Variants in OPCML observed in about 807,000 individuals in gnomAD.
OPCML encodes opioid binding protein/cell adhesion molecule like.
A neutral mutation model predicts 37.8 loss-of-function variants in OPCML; 13 were observed. The observed-to-expected ratio is 0.34, with a 90% CI of 0.22 to 0.55. The LOEUF (loss-of-function observed/expected upper bound fraction) is 0.55. Among genes scored for constraint, OPCML ranks in the 20% least tolerant of loss-of-function variants. The pLI, the probability that OPCML is intolerant of heterozygous loss-of-function variation, is 0.91. For synonymous variants in OPCML, 176 were observed against 168.8 expected (o/e 1.04, Z -0.33); for missense variants, 341 against 435.6 (o/e 0.78, Z 1.93).
intron 2 of OPCML, among the ~76,000 whole-genome samples, chr11:132,850,088 T>C (rs111357917): frequency 1.3e-5 from 2 of 152,110 alleles, no homozygotes; most frequent in Non-Finnish European, 2.9e-5. Context: ...TATAGTGAAG[T>C]GTGTGCATTT....
At chr11:132,481,699 C>G (rs940887564) in intron 4 of OPCML, among the ~76,000 whole-genome samples, 35 of 149,932 alleles carry the variant, frequency 2.3e-4, no homozygotes, top group African/African-American at 8.5e-4. Context: ...TGTAAAAGAA[C>G]AGAAATTATA....
At chr11:133,308,493 C>T (rs919162887) in intron 1 of OPCML, among the ~76,000 whole-genome samples, 2 of 152,032 alleles carry the variant, frequency 1.3e-5, no homozygotes, top group African/African-American at 4.8e-5. Flanking sequence ...AGAGTCAAAG[C>T]TATCAATATG....
rs536462300 is a variant in OPCML, at chr11:132,479,062, C to A, written c.506-41703G>T. Among the ~76,000 whole-genome samples, 5 of 152,204 alleles carry A rather than the reference C, an allele frequency of 3.3e-5. No homozygotes were observed. The East Asian group carries it at 9.7e-4, about 29-fold the overall frequency. ...ATGGCCGAATAGGAACAGCCCTGGT[C>A]TACAGCTCCCAGCCTGAGTGACGCA... On this transcript the variant is annotated intron_variant, in intron 4 of 7. Coordinates refer to ENST00000524381, the MANE Select transcript of OPCML (RefSeq NM_001012393.5).
chr11:132,960,622 C>T (rs1023380626), intron 1 of OPCML, among the ~76,000 whole-genome samples: 1 of 152,198 alleles, frequency 6.6e-6, no homozygotes, highest in Non-Finnish European at 1.5e-5. Flanking sequence ...CCTTTTCTCT[C>T]TCCCTCTGTC....
At chr11:132,974,678 T>G (rs1425930948) in intron 1 of OPCML, among the ~76,000 whole-genome samples, 3 of 152,210 alleles carry the variant, frequency 2.0e-5, no homozygotes, top group Non-Finnish European at 4.4e-5. Flanking sequence ...TAAATCATTC[T>G]ACCATAAAGG....
chr11:133,476,140 A>AACACG (rs948896386), intron 1 of OPCML, among the ~76,000 whole-genome samples: 4 of 152,202 alleles, frequency 2.6e-5, no homozygotes, highest in African/African-American at 7.2e-5. Flanking sequence ...ATGTCTGGAA[A>AACACG]ACACGTTTGG....
At chr11:132,657,539 A>T (rs1382532943) in intron 2 of OPCML, 2 of 521,000 alleles carry the variant, frequency 3.8e-6, no homozygotes, top group Admixed American at 1.3e-4. Flanking sequence ...TTTCTATTTG[A>T]CTTCGAGACA....
At chr11:132,433,506 G>T (rs945027548) in intron 7 of OPCML, among the ~76,000 whole-genome samples, 2 of 152,170 alleles carry the variant, frequency 1.3e-5, no homozygotes, top group African/African-American at 4.8e-5. Context: ...ATGCGGGAAG[G>T]AAGACTCAGC....
chr11:133,195,785 C>T (rs1938512663), intron 1 of OPCML, among the ~76,000 whole-genome samples: 1 of 152,188 alleles, frequency 6.6e-6, no homozygotes. Context: ...TTGTCTTCTT[C>T]ATAGCTATAT....
intron 1 of OPCML, among the ~76,000 whole-genome samples, chr11:133,217,354 G>T (rs561231677): frequency 6.6e-6 from 1 of 152,168 alleles, no homozygotes; most frequent in Non-Finnish European, 1.5e-5. Context: ...CCAGTGTTTT[G>T]TTCCCAGCCC....
chr11:132,725,340 G>A (rs1172553448), intron 2 of OPCML, among the ~76,000 whole-genome samples: 1 of 152,200 alleles, frequency 6.6e-6, no homozygotes, highest in African/African-American at 2.4e-5. Context: ...TTTTAGCCAT[G>A]GCTAGAGTGG....
At chr11:132,494,062 C>T (rs111609322) in intron 4 of OPCML, among the ~76,000 whole-genome samples, 15 of 152,314 alleles carry the variant, frequency 9.8e-5, no homozygotes, top group African/African-American at 3.6e-4. Context: ...GCCTTACAGG[C>T]CTTCTGATTT....
intron 1 of OPCML, among the ~76,000 whole-genome samples, chr11:133,289,414 T>C (rs950667006): frequency 3.3e-5 from 5 of 151,390 alleles, no homozygotes; most frequent in African/African-American, 9.7e-5. Context: ...GCTAAAACGG[T>C]GAAACCCCGT....
At chr11:132,680,137 T>C (rs1942876768) in intron 2 of OPCML, among the ~76,000 whole-genome samples, 2 of 152,202 alleles carry the variant, frequency 1.3e-5, no homozygotes, top group African/African-American at 4.8e-5. Flanking sequence ...TTCTGCTTTA[T>C]TACTGGAGCT....
intron 2 of OPCML, among the ~76,000 whole-genome samples, chr11:132,778,961 C>CTTTTTTT (rs10657036): frequency 1.5e-4 from 13 of 87,898 alleles, no homozygotes; most frequent in Non-Finnish European, 1.9e-4. Context: ...TGGTATATTT[C>CTTTTTTT]TTTTTTTTTT....
intron 1 of OPCML, among the ~76,000 whole-genome samples, chr11:132,982,139 C>G (rs912832163): frequency 1.3e-5 from 2 of 152,190 alleles, no homozygotes; most frequent in Non-Finnish European, 1.5e-5. Context: ...TTCGGCTACT[C>G]TTGTTCCTAG....
At chr11:132,970,060 C>T (rs1946305998) in intron 1 of OPCML, among the ~76,000 whole-genome samples, 1 of 152,092 alleles carries the variant, frequency 6.6e-6, no homozygotes, top group African/African-American at 2.4e-5. Context: ...ACCCTCCTGG[C>T]TCTCTTGTTT....
intron 4 of OPCML, among the ~76,000 whole-genome samples, chr11:132,469,421 ATGTG>A (rs993681571): frequency 2.1e-5 from 3 of 140,902 alleles, no homozygotes; most frequent in African/African-American, 8.0e-5. Flanking sequence ...GTGCGTGTGT[ATGTG>A]TGTATGTGTG....
intron 2 of OPCML, among the ~76,000 whole-genome samples, chr11:132,726,626 G>A (rs567035919): frequency 5.3e-4 from 80 of 152,044 alleles, no homozygotes; most frequent in African/African-American, 1.9e-3. Context: ...CTGATTCCTT[G>A]TAGAACCAAA....
Sources: allele counts gnomAD v4.1 joint callset (sites outside exome capture counted in the v4.1 genomes callset), GRCh38; gene constraint gnomAD v4.1.1; transcripts MANE v1.5; gene names NCBI Gene and HGNC (gene_info 2026-07-23, HGNC 2026-07-21).